Variants in KCNK6 observed in about 807,000 individuals in gnomAD.
The protein encoded by KCNK6 is potassium two pore domain channel subfamily K member 6, also known as potassium channel subfamily K member 6.
A neutral mutation model predicts 21.9 loss-of-function variants in KCNK6; 20 were observed. That is an observed-to-expected ratio of 0.91 (90% CI 0.64 to 1.32). The LOEUF (loss-of-function observed/expected upper bound fraction) is 1.32. Among genes scored for constraint, KCNK6 ranks in the 40% most tolerant of loss-of-function variants. The pLI is 0.00. For missense variants in KCNK6, 415 were observed against 433.1 expected (o/e 0.96, Z 0.37); for synonymous variants, 210 against 218.0 (o/e 0.96, Z 0.32).
At chr19:38,321,232 C>T (rs942580962) in intron 1 of KCNK6, among the ~76,000 whole-genome samples, 2 of 152,212 alleles carry the variant, frequency 1.3e-5, no homozygotes, top group African/African-American at 4.8e-5. Context: ...CTGGCACCGC[C>T]ATCTGGGACT....
chr19:38,324,177 A>G (rs1281761827), intron 1 of KCNK6, among the ~76,000 whole-genome samples: 1 of 146,058 alleles, frequency 6.8e-6, no homozygotes, highest in Non-Finnish European at 1.5e-5. Context: ...TAATCCTCCC[A>G]CTTTGGCCTC....
rs1969741210 is a variant in KCNK6 at position 38,328,878 on chromosome 19, G to GAAAGAAAGAAAGAAAGAAAGAA, written c.*1476_*1477insAAGAAAGAAAGAAAGAAAGAAA. On this transcript the variant is annotated 3_prime_UTR_variant, in exon 3 of 3. Transcript: ENST00000263372. ...AGAGAGAAAGAAAGAAAGAAAGAGA[G>GAAAGAAAGAAAGAAAGAAAGAA]AGAAAGAAAGAAAGAAAGAAAGGGA... 12 of 135,766 alleles carry GAAAGAAAGAAAGAAAGAAAGAA rather than the reference G, an allele frequency of 8.8e-5. No individual in the cohort carries two copies. Among genetic ancestry groups the GAAAGAAAGAAAGAAAGAAAGAA allele is most frequent in the African/African-American group, 2.7e-4 (10 of 36,756 alleles). 8.4% of individuals were successfully genotyped at this position (135,766 alleles called of 1,614,324 possible).
rs1969751213 is a variant in KCNK6, at chr19:38,329,596, C to T, written c.*2193C>T. On this transcript the variant is annotated 3_prime_UTR_variant, in exon 3 of 3. Coordinates refer to ENST00000263372, the MANE Select transcript of KCNK6 (RefSeq NM_004823.3). ...GAGGGAAGGAGGGCAGAGGGGTGCG[C>T]ACGAGCACCCGTTAGTGTCCTTAAA... 1 of 151,994 alleles carries T rather than the reference C, an allele frequency of 6.6e-6. No homozygotes were observed. Among genetic ancestry groups the T allele is most frequent in the Non-Finnish European group, 1.5e-5 (1 of 68,056 alleles). The allele number at this position is 151,994 out of a possible 1,614,324, so 9.4% of individuals were successfully genotyped here. A position where few individuals can be genotyped will look rare whatever the true frequency, so the allele number is the denominator to read the frequency against.
intron 1 of KCNK6, among the ~76,000 whole-genome samples, chr19:38,321,299 T>C (rs1375846073): frequency 6.6e-6 from 1 of 152,086 alleles, no homozygotes; most frequent in East Asian, 1.9e-4. Flanking sequence ...CCTGGCCCCA[T>C]ACTCCCCAGC....
chr19:38,326,786 C>G lies in KCNK6; in HGVS notation c.516C>G (p.His172Gln). Reference protein sequence around the residue: ...GWDPRRAACWHLVALLGVVVT... With the variant: ...GWDPRRAACWQLVALLGVVVT... ...ACCCCCGGCGGGCGGCCTGCTGGCA[C>G]TTGGTGGCCCTGTTGGGGGTCGTAG... The change falls in exon 2 of 3, where the codon CAC becomes CAG. Residue 172 changes from histidine (H) to glutamine (Q), a missense_variant. Physicochemically the swap from His to Gln is conservative, Grantham distance 24 (BLOSUM62 0). Coordinates refer to ENST00000263372, the MANE Select transcript of KCNK6 (RefSeq NM_004823.3). The G allele has an allele frequency of 6.2e-7, 1 of 1,605,738 alleles. No homozygotes were observed. Among genetic ancestry groups the G allele is most frequent in the South Asian group, 1.1e-5 (1 of 91,090 alleles).
At chr19:38,320,385 T>C in intron 1 of KCNK6, 113 bp downstream of exon 1, 1 of 1,155,804 alleles carries the variant, frequency 8.7e-7, no homozygotes, top group Non-Finnish European at 1.2e-6. Context: ...CCCTCTGGGC[T>C]TCGGATCCCC....
In KCNK6 at chr19:38,327,677, T is replaced by C; in HGVS notation, c.*274T>C. The C allele has an allele frequency of 2.0e-6, 1 of 496,916 alleles. No individual in the cohort carries two copies. Among genetic ancestry groups the C allele is most frequent in the Non-Finnish European group, 3.6e-6 (1 of 274,770 alleles). 30.8% of individuals were successfully genotyped at this position (496,916 alleles called of 1,614,324 possible). A position where few individuals can be genotyped will look rare whatever the true frequency, so the allele number is the denominator to read the frequency against. ...ACTGTGTCTCTCTGGCTCTCTGGCATTCTCGCTGCCTCTGTCTTTCCCTCT... is the reference window on the plus strand; with the variant it reads ...ACTGTGTCTCTCTGGCTCTCTGGCACTCTCGCTGCCTCTGTCTTTCCCTCT... On this transcript the variant is annotated 3_prime_UTR_variant, in exon 3 of 3. Coordinates refer to ENST00000263372, the MANE Select transcript of KCNK6 (RefSeq NM_004823.3).
At position 38,330,774 on chromosome 19, in the gene KCNK6, C is replaced by G. The variant is rs1241493278; in HGVS notation, c.*3371C>G. On this transcript the variant is annotated 3_prime_UTR_variant, in exon 3 of 3. Coordinates refer to ENST00000263372, the MANE Select transcript of KCNK6 (RefSeq NM_004823.3). Reference sequence around the variant, plus strand: ...GAGGTCCAGAGATGTTAAATACTTGCCCAAGGTCACACAGAAAGTGGAACA... The same window carrying G: ...GAGGTCCAGAGATGTTAAATACTTGGCCAAGGTCACACAGAAAGTGGAACA... 6.6e-6 allele frequency: 1 copy of G among 152,210 alleles called. No homozygotes were observed. Among genetic ancestry groups the G allele is most frequent in the African/African-American group, 2.4e-5 (1 of 41,448 alleles). The allele number at this position is 152,210 out of a possible 1,614,324, so 9.4% of individuals were successfully genotyped here.
chr19:38,326,910 A>C lies in KCNK6; in HGVS notation c.640A>C (p.Thr214Pro). Residue 214 changes from threonine (T) to proline (P), a missense_variant, in exon 2 of 3, where the codon ACC becomes CCC. By Grantham distance (38) the Thr-to-Pro change is conservative. Transcript: ENST00000263372. ...AFYFCFISLS[T>P]IGLGDYVPGE... Reference sequence around the variant, plus strand: ...CTACTTCTGCTTTATCTCTCTGTCCACCATCGGCCTGGGCGACTACGTGCC... The same window carrying C: ...CTACTTCTGCTTTATCTCTCTGTCCCCCATCGGCCTGGGCGACTACGTGCC... 6.2e-7 allele frequency: 1 copy of C among 1,611,076 alleles called. No homozygotes were observed. The highest frequency in any genetic ancestry group is 8.5e-7 in the Non-Finnish European group (1 of 1,179,968).
intron 1 of KCNK6, among the ~76,000 whole-genome samples, chr19:38,322,444 T>C (rs1969661237): frequency 6.6e-6 from 1 of 152,032 alleles, no homozygotes; most frequent in Non-Finnish European, 1.5e-5. Flanking sequence ...AGGAGAGACA[T>C]TCGGGTAGGG....
chr19:38,327,098 C>A, intron 2 of KCNK6, 82 bp from the exon 3 acceptor site: 1 of 1,573,854 alleles, frequency 6.4e-7, no homozygotes, highest in South Asian at 1.1e-5. Flanking sequence ...CCAACCCCAC[C>A]CTGCAGGGTC....
At chr19:38,324,678 G>A (rs891944619) in intron 1 of KCNK6, among the ~76,000 whole-genome samples, 3 of 152,156 alleles carry the variant, frequency 2.0e-5, no homozygotes, top group African/African-American at 7.2e-5. Context: ...GCTCTGCAAG[G>A]GAGGAGGGAA....
rs931750 is a variant in KCNK6 at position 38,328,111 on chromosome 19, T to C, written c.*708T>C. 25,896 of 152,396 alleles carry C rather than the reference T, an allele frequency of 0.17. 2,494 individuals carry two copies. The highest frequency in any genetic ancestry group is 0.25 in the South Asian group (1,229 of 4,830). The allele number at this position is 152,396 out of a possible 1,614,324, so 9.4% of individuals were successfully genotyped here. A position where few individuals can be genotyped will look rare whatever the true frequency, so the allele number is the denominator to read the frequency against. ...GGTCAGGGCTGAAGTCGGAGAAGCA[T>C]AGGGACTAGGCCCAATCCAGCCTGG... is the stretch of plus-strand genomic sequence containing the variant. On this transcript the variant is annotated 3_prime_UTR_variant, in exon 3 of 3. Coordinates refer to ENST00000263372, the MANE Select transcript of KCNK6 (RefSeq NM_004823.3).
In KCNK6 at chr19:38,328,888, G is replaced by GAA. The variant is rs1384174202; in HGVS notation, c.*1487_*1488dup. ...AAAGAAAGAAAGAGAGAGAAAGAAA[G>GAA]AAAGAAAGAAAGGGAAAGATGGAAG... On this transcript the variant is annotated 3_prime_UTR_variant, in exon 3 of 3. Transcript: ENST00000263372. The GAA allele has an allele frequency of 7.3e-6, 1 of 136,918 alleles. No homozygotes were observed. Among genetic ancestry groups the GAA allele is most frequent in the Non-Finnish European group, 1.6e-5 (1 of 63,680 alleles). 8.5% of individuals were successfully genotyped at this position (136,918 alleles called of 1,614,324 possible).
chr19:38,327,206 A>AT lies in KCNK6; in HGVS notation c.746dup (p.Met249IlefsTer35), dbSNP rs781025164. 50 of 1,612,980 alleles carry AT rather than the reference A, an allele frequency of 3.1e-5. No individual in the cohort carries two copies. The highest frequency in any genetic ancestry group is 3.9e-5 in the Non-Finnish European group (46 of 1,180,032). On this transcript the variant is annotated frameshift_variant, in exon 3 of 3. Transcript: ENST00000263372. LOFTEE classifies it high-confidence loss of function. ...CTACCTCTTCCTGGGCCTGGTGGCCATGGTGCTGGTGCTGCAGACCTTCCG... is the reference window on the plus strand; with the variant it reads ...CTACCTCTTCCTGGGCCTGGTGGCCATTGGTGCTGGTGCTGCAGACCTTCCG...
chr19:38,327,809 C>CG lies in KCNK6; in HGVS notation c.*406_*407insG. 1 of 236,588 alleles carries CG rather than the reference C, an allele frequency of 4.2e-6. No homozygotes were observed. The highest frequency in any genetic ancestry group is 8.5e-6 in the Non-Finnish European group (1 of 117,782). 14.7% of individuals were successfully genotyped at this position (236,588 alleles called of 1,614,324 possible). ...CTGTGGGCTCAGACCTCATTTCAGG[C>CG]ACCAGATTGGTCGCTACACCCTGGA... On this transcript the variant is annotated 3_prime_UTR_variant, in exon 3 of 3. Transcript: ENST00000263372.
intron 1 of KCNK6, among the ~76,000 whole-genome samples, chr19:38,325,748 C>G (rs1455138082): frequency 6.6e-6 from 1 of 152,182 alleles, no homozygotes; most frequent in Admixed American, 6.6e-5. Context: ...GAAGGAACAA[C>G]CAGTGCAATG....
intron 1 of KCNK6, among the ~76,000 whole-genome samples, chr19:38,323,405 T>C (rs998871450): frequency 7.2e-5 from 11 of 152,222 alleles, no homozygotes; most frequent in African/African-American, 2.7e-4. Context: ...CGTTTGGTCA[T>C]AGGCCCAAAT....
rs955607909 is a variant in KCNK6 at position 38,331,927 on chromosome 19, C to T, written c.*4524C>T. On this transcript the variant is annotated 3_prime_UTR_variant, in exon 3 of 3. Transcript: ENST00000263372. ...AGTGGCTTTGGGCAAGTGATTTCACCTCCATGTGCCTCAGTTTGCTAGTCT... is the reference window on the plus strand; with the variant it reads ...AGTGGCTTTGGGCAAGTGATTTCACTTCCATGTGCCTCAGTTTGCTAGTCT... 1 of 152,166 alleles carries T rather than the reference C, an allele frequency of 6.6e-6. No individual in the cohort carries two copies. The highest frequency in any genetic ancestry group is 2.4e-5 in the African/African-American group (1 of 41,446). The allele number at this position is 152,166 out of a possible 1,614,324, so 9.4% of individuals were successfully genotyped here.
Sources: gnomAD v4.1 joint callset for allele counts (sites outside exome capture counted in the v4.1 genomes callset) on GRCh38, gnomAD v4.1.1 for gene constraint, MANE v1.5 for transcripts, NCBI Gene and HGNC (gene_info 2026-07-23, HGNC 2026-07-21) for gene names.